MED12L: variants seen among roughly 807,000 people sequenced by gnomAD.
The protein encoded by MED12L is mediator complex subunit 12L, also known as mediator of RNA polymerase II transcription subunit 12-like protein.
In MED12L, 60 loss-of-function variants were observed where a neutral mutation model predicts 281.3. The ratio of observed to expected loss-of-function variants is 0.21; its 90% confidence interval spans 0.17 to 0.26. The LOEUF is 0.26. MED12L is among the 10% of genes least tolerant of loss of function. The pLI, the probability that MED12L is intolerant of heterozygous loss-of-function variation, is 1.00. For missense variants in MED12L, 2,146 were observed against 2,680.9 expected, an observed-to-expected ratio of 0.80 and a Z score of 4.41; for synonymous variants, 974 against 987.2, an observed-to-expected ratio of 0.99 and a Z score of 0.25.
intron 42 of MED12L, among the ~76,000 whole-genome samples, chr3:151,413,777 A>G (rs753560569): frequency 2.0e-5 from 3 of 152,062 alleles, no homozygotes; most frequent in Non-Finnish European, 2.9e-5. Context: ...TTCAAAGGAT[A>G]TTTCATCTTG....
Position 151,432,790 on chromosome 3 carries a change from C to T in MED12L, c.6529C>T (p.Pro2177Ser), listed in dbSNP as rs1358384580. The T allele has an allele frequency of 1.2e-6, 2 of 1,613,150 alleles. No individual in the cohort carries two copies. The highest frequency in any genetic ancestry group is 1.7e-6 in the Non-Finnish European group (2 of 1,179,502). The part of the protein sequence containing the change: ...PQQGVTPYGH[P>S]SHF ...GCAAGGAGTGACTCCGTATGGGCATCCTTCACACTTCTGAATCTGCAAGAG... is the reference window on the plus strand; with the variant it reads ...GCAAGGAGTGACTCCGTATGGGCATTCTTCACACTTCTGAATCTGCAAGAG... Residue 2177 changes from proline to serine, a missense_variant, in exon 45 of 45, where the codon CCT becomes TCT. Transcript: ENST00000687756.
In MED12L at chr3:151,394,322, A is replaced by G. The variant is rs188503313; in HGVS notation, c.5609-334A>G. Among the ~76,000 whole-genome samples, 194 of 152,366 alleles carry G rather than the reference A, an allele frequency of 1.3e-3. 1 individual carries two copies. Among genetic ancestry groups the G allele is most frequent in the African/African-American group, 4.5e-3 (186 of 41,594 alleles). On this transcript the variant is annotated intron_variant, in intron 38 of 44. Coordinates refer to ENST00000687756, the MANE Select transcript of MED12L (RefSeq NM_001393769.1). ...ACATCACAAAGGCAGTATGTTTTATACAAGTAATATGTTCCTGAGGGCCTT... is the reference window on the plus strand; with the variant it reads ...ACATCACAAAGGCAGTATGTTTTATGCAAGTAATATGTTCCTGAGGGCCTT...
chr3:151,098,401 A>C (rs559033709), intron 2 of MED12L, among the ~76,000 whole-genome samples: 3 of 152,342 alleles, frequency 2.0e-5, no homozygotes, highest in African/African-American at 7.2e-5. Context: ...ACATTCGCTC[A>C]TTCCCTCACA....
At chr3:151,299,996 A>G (rs995173296) in intron 16 of MED12L, 4 of 1,071,430 alleles carry the variant, frequency 3.7e-6, no homozygotes, top group African/African-American at 3.1e-5. Context: ...AAACTCCCCA[A>G]ATTCCCAAAC....
intron 16 of MED12L, among the ~76,000 whole-genome samples, chr3:151,202,689 A>G (rs903427573): frequency 6.6e-6 from 1 of 152,204 alleles, no homozygotes; most frequent in African/African-American, 2.4e-5. Context: ...AAACAAAAAC[A>G]AAATAAAAGC....
Position 151,394,672 on chromosome 3 carries a change from C to G in MED12L, c.5625C>G (p.Asp1875Glu). ...QSLTPGGSRLDPAGSFVPTNT... is the reference protein window; with the variant it reads ...QSLTPGGSRLEPAGSFVPTNT... ...CTTTTGTAGGTGGCTCCAGATTGGACCCTGCAGGCTCCTTTGTCCCAACCA... is the reference window on the plus strand; with the variant it reads ...CTTTTGTAGGTGGCTCCAGATTGGAGCCTGCAGGCTCCTTTGTCCCAACCA... The change falls in exon 39 of 45, where the codon GAC becomes GAG. Residue 1875 changes from aspartate (D) to glutamate (E), a missense_variant. Physicochemically the swap from Asp to Glu is conservative, Grantham distance 45 (BLOSUM62 2). This residue lies in a region of MED12L where 496 missense variants were observed against 512.0 expected (regional missense o/e 0.97). Transcript: ENST00000687756. 1 of 1,614,250 alleles carries G rather than the reference C, an allele frequency of 6.2e-7. No individual in the cohort carries two copies. Among genetic ancestry groups the G allele is most frequent in the Non-Finnish European group, 8.5e-7 (1 of 1,180,028 alleles).
At chr3:151,121,988 A>G (rs1468710272) in intron 3 of MED12L, among the ~76,000 whole-genome samples, 1 of 152,116 alleles carries the variant, frequency 6.6e-6, no homozygotes, top group East Asian at 1.9e-4. Flanking sequence ...TGCCGTGATT[A>G]CAGGCGTGAG....
intron 36 of MED12L, among the ~76,000 whole-genome samples, chr3:151,385,940 A>G (rs1327020347): frequency 1.3e-5 from 2 of 152,200 alleles, no homozygotes; most frequent in Non-Finnish European, 2.9e-5. Flanking sequence ...TGAAAGACAG[A>G]GTTCCTACCC....
chr3:151,401,933 A>T (rs978539191), intron 39 of MED12L, among the ~76,000 whole-genome samples: 2 of 152,188 alleles, frequency 1.3e-5, no homozygotes. Flanking sequence ...AATTATGATT[A>T]GGCAGATATA....
At chr3:151,117,489 T>C (rs974424523) in intron 3 of MED12L, among the ~76,000 whole-genome samples, 2 of 152,212 alleles carry the variant, frequency 1.3e-5, no homozygotes, top group African/African-American at 4.8e-5. Flanking sequence ...TCTAGCCCAG[T>C]GCTGCAGGGT....
chr3:151,355,162 A>T lies in MED12L; in HGVS notation c.2440A>T (p.Thr814Ser). 6.2e-7 allele frequency: 1 copy of T among 1,614,040 alleles called. No homozygotes were observed. The highest frequency in any genetic ancestry group is 1.3e-5 in the African/African-American group (1 of 75,044). The change falls in exon 18 of 45, where the codon ACA becomes TCA. Residue 814 changes from threonine to serine, a missense_variant. Around this residue, in one of 9 missense-constraint regions of MED12L, gnomAD observed 404 missense variants for 603.5 expected, o/e 0.67. Coordinates refer to ENST00000687756, the MANE Select transcript of MED12L (RefSeq NM_001393769.1). ...AAAAGCCAGGAAGAACAAACAGGAG[A>T]CATTTCCAACACTGGAGACTGTGTT... ...GQKARKNKQE[T>S]FPTLETVFTK...
At chr3:151,268,949 G>GAGAAAGAATTGT (rs1559962114) in intron 16 of MED12L, among the ~76,000 whole-genome samples, 1 of 152,166 alleles carries the variant, frequency 6.6e-6, no homozygotes, top group East Asian at 1.9e-4. Context: ...TCTTCCTGAC[G>GAGAAAGAATTGT]AGAAAGAAGA....
intron 16 of MED12L, among the ~76,000 whole-genome samples, chr3:151,301,627 T>C (rs993425017): frequency 6.6e-6 from 1 of 152,228 alleles, no homozygotes; most frequent in African/African-American, 2.4e-5. Context: ...TCTAGACATT[T>C]CACCAAGAGC....
rs7611956 is a variant in MED12L, at chr3:151,433,432, C to A, written c.*628C>A. ...AAGGTGCTGAAACAGATTGTTGCTTCGTACTTAAACTTCTTAAACCAAGAA... is the reference window on the plus strand; with the variant it reads ...AAGGTGCTGAAACAGATTGTTGCTTAGTACTTAAACTTCTTAAACCAAGAA... On this transcript the variant is annotated 3_prime_UTR_variant, in exon 45 of 45. Transcript: ENST00000687756. 0.85 allele frequency: 130,361 copies of A among 152,652 alleles called. 55,902 individuals carry two copies. The highest frequency in any genetic ancestry group is 0.97 in the Middle Eastern group (285 of 294). The allele number at this position is 152,652 out of a possible 1,614,324, so 9.5% of individuals were successfully genotyped here. A position where few individuals can be genotyped will look rare whatever the true frequency, so the allele number is the denominator to read the frequency against.
At chr3:151,177,463 A>C (rs1252725790) in intron 11 of MED12L, among the ~76,000 whole-genome samples, 1 of 152,144 alleles carries the variant, frequency 6.6e-6, no homozygotes, top group Non-Finnish European at 1.5e-5. Context: ...CCTGCTTTCA[A>C]GTTTATTAAG....
intron 26 of MED12L, among the ~76,000 whole-genome samples, chr3:151,372,172 A>G (rs1199538448): frequency 6.6e-6 from 1 of 152,302 alleles, no homozygotes; most frequent in East Asian, 1.9e-4. Context: ...AAGAAATGGA[A>G]AAGGGACATC....
chr3:151,255,454 G>A (rs192293095), intron 16 of MED12L, among the ~76,000 whole-genome samples: 27 of 152,188 alleles, frequency 1.8e-4, no homozygotes, highest in Admixed American at 1.5e-3. Flanking sequence ...CCAGGGGGAG[G>A]GGGCTGGGGG....
chr3:151,276,083 AAGG>A (rs1741803419), intron 16 of MED12L, among the ~76,000 whole-genome samples: 2 of 152,230 alleles, frequency 1.3e-5, no homozygotes, highest in African/African-American at 4.8e-5. Flanking sequence ...TTGAGATAGA[AAGG>A]AGGCACTATT....
intron 39 of MED12L, 23 bp from the exon 40 acceptor site, chr3:151,409,219 GT>G (rs770139847): frequency 6.4e-7 from 1 of 1,572,240 alleles, no homozygotes; most frequent in Non-Finnish European, 8.6e-7. Context: ...ATGATCAAGA[GT>G]TTGCTTTGGC....
Sources: gnomAD v4.1 joint callset for allele counts (sites outside exome capture counted in the v4.1 genomes callset) on GRCh38, gnomAD v4.1.1 for gene constraint, gnomAD v4.1.1 regional missense constraint, MANE v1.5 for transcripts, NCBI Gene and HGNC (gene_info 2026-07-23, HGNC 2026-07-21) for gene names.